Variants in HSF5 observed in about 807,000 individuals in gnomAD.
HSF5 encodes heat shock transcription factor 5.
Under a neutral mutation model 50.8 loss-of-function variants are expected in HSF5, and 5 were observed. The observed-to-expected ratio is 0.10, with a 90% confidence interval of 0.05 to 0.21. The LOEUF is 0.21. Among genes scored for constraint, HSF5 ranks in the 10% least tolerant of loss-of-function variants. HSF5 has a pLI of 1.00. For missense variants in HSF5, 564 were observed against 762.6 expected, an observed-to-expected ratio of 0.74 and a Z score of 3.07; for synonymous variants, 307 against 307.4, an observed-to-expected ratio of 1.00 and a Z score of 0.02.
intron 5 of HSF5, among the ~76,000 whole-genome samples, chr17:58,442,325 G>A (rs182670916): frequency 2.3e-4 from 35 of 152,328 alleles, no homozygotes; most frequent in Admixed American, 7.8e-4. Context: ...AAACATACAG[G>A]ATGTATATAA....
intron 5 of HSF5, among the ~76,000 whole-genome samples, chr17:58,453,578 G>C (rs1440712465): frequency 2.0e-5 from 3 of 151,304 alleles, no homozygotes; most frequent in African/African-American, 7.3e-5. Context: ...CTGGGCGACA[G>C]AGTGAGCAAA....
intron 5 of HSF5, among the ~76,000 whole-genome samples, chr17:58,436,329 C>A (rs370406581): frequency 6.6e-6 from 1 of 150,782 alleles, no homozygotes; most frequent in Non-Finnish European, 1.5e-5. Flanking sequence ...TTTCTGCCTA[C>A]ACTTTAATTA....
At chr17:58,447,280 CA>C (rs1414384449) in intron 5 of HSF5, among the ~76,000 whole-genome samples, 1 of 152,178 alleles carries the variant, frequency 6.6e-6, no homozygotes, top group African/African-American at 2.4e-5. Context: ...GGCTAGAAAG[CA>C]ATCTGCCACC....
intron 5 of HSF5, among the ~76,000 whole-genome samples, chr17:58,457,896 T>C (rs1974734885): frequency 6.6e-6 from 1 of 152,228 alleles, no homozygotes; most frequent in African/African-American, 2.4e-5. Context: ...TGATAGACAG[T>C]TTTTAGCCTA....
chr17:58,448,767 G>A (rs191047832), intron 5 of HSF5, among the ~76,000 whole-genome samples: 2 of 152,230 alleles, frequency 1.3e-5, no homozygotes, highest in African/African-American at 2.4e-5. Context: ...TATAAAAATC[G>A]TTGATAAAAG....
Position 58,420,979 on chromosome 17 carries a change from A to G in HSF5, c.*1381T>C, listed in dbSNP as rs1053281699. On this transcript the variant is annotated 3_prime_UTR_variant, in exon 6 of 6. Coordinates refer to ENST00000323777, the MANE Select transcript of HSF5 (RefSeq NM_001080439.3). ...AGCATAGTACTATGTCATATCACCA[A>G]GTGCCTTTTTAATTAGTTTCATATT... The G allele has an allele frequency of 2.0e-5, 3 of 152,646 alleles. No homozygotes were observed. Among genetic ancestry groups the G allele is most frequent in the Admixed American group, 1.3e-4 (2 of 15,280 alleles). 9.5% of individuals were successfully genotyped at this position (152,646 alleles called of 1,614,324 possible).
intron 3 of HSF5, 116 bp from the exon 4 acceptor site, chr17:58,463,419 C>A (rs1463352702): frequency 1.1e-5 from 9 of 811,810 alleles, no homozygotes; most frequent in Non-Finnish European, 1.5e-5. Context: ...ACTTAAAGAT[C>A]ACTAAGAAAA....
intron 5 of HSF5, among the ~76,000 whole-genome samples, chr17:58,456,276 C>A (rs998728732): frequency 1.3e-5 from 2 of 151,602 alleles, no homozygotes; most frequent in African/African-American, 4.9e-5. Flanking sequence ...CATAGGTGAA[C>A]CTGGAGAACA....
At chr17:58,461,213 CACAACAACAACA>C (rs36215581) in intron 4 of HSF5, among the ~76,000 whole-genome samples, 6,254 of 146,758 alleles carry the variant, frequency 0.043, 137 homozygotes, top group African/African-American at 0.058. Flanking sequence ...GATTCCATCT[CACAACAACAACA>C]ACAACAACAA....
chr17:58,479,522 C>T (rs548687719), intron 2 of HSF5, among the ~76,000 whole-genome samples: 1 of 152,166 alleles, frequency 6.6e-6, no homozygotes, highest in East Asian at 1.9e-4. Flanking sequence ...AGGCTGGTCT[C>T]GAACTCCTGA....
intron 5 of HSF5, among the ~76,000 whole-genome samples, chr17:58,442,404 C>T (rs1974510541): frequency 6.6e-6 from 1 of 152,140 alleles, no homozygotes; most frequent in African/African-American, 2.4e-5. Flanking sequence ...AAGTGGCCAT[C>T]CTTGCCTTGT....
intron 2 of HSF5, among the ~76,000 whole-genome samples, chr17:58,479,088 C>T (rs1975065367): frequency 6.6e-6 from 1 of 151,966 alleles, no homozygotes; most frequent in Non-Finnish European, 1.5e-5. Context: ...CTAGGAATAA[C>T]ACTGCGGAGA....
intron 5 of HSF5, among the ~76,000 whole-genome samples, chr17:58,447,697 G>A (rs1205519758): frequency 6.6e-6 from 1 of 152,126 alleles, no homozygotes; most frequent in African/African-American, 2.4e-5. Flanking sequence ...CTGCTGAGTG[G>A]TTACAGTGAC....
At chr17:58,429,702 C>T (rs143148833) in intron 5 of HSF5, among the ~76,000 whole-genome samples, 43,881 of 150,900 alleles carry the variant, frequency 0.29, 6,917 homozygotes, top group East Asian at 0.44. Context: ...CAAAATCAGC[C>T]GGGCATGGTG....
In HSF5 at chr17:58,488,338, C is replaced by G; in HGVS notation, c.-64G>C. 7.3e-7 allele frequency: 1 copy of G among 1,375,094 alleles called. No homozygotes were observed. Among genetic ancestry groups the G allele is most frequent in the Non-Finnish European group, 9.3e-7 (1 of 1,072,560 alleles). 85.2% of individuals were successfully genotyped at this position (1,375,094 alleles called of 1,614,324 possible). Reference sequence around the variant, plus strand: ...TCTCCCACACCGTTCTCGATCCCTCCCCGGCCTTCGCCTCGCCCTGCCCGC... The same window carrying G: ...TCTCCCACACCGTTCTCGATCCCTCGCCGGCCTTCGCCTCGCCCTGCCCGC... On this transcript the variant is annotated 5_prime_UTR_variant, in exon 1 of 6. Coordinates refer to ENST00000323777, the MANE Select transcript of HSF5 (RefSeq NM_001080439.3). The surrounding 1 kb of genome is among the most constrained non-coding windows in gnomAD (Gnocchi z 4.1).
At chr17:58,441,759 C>T (rs1285899664) in intron 5 of HSF5, among the ~76,000 whole-genome samples, 2 of 152,242 alleles carry the variant, frequency 1.3e-5, no homozygotes, top group African/African-American at 4.8e-5. Flanking sequence ...CAGGGCTTCA[C>T]TGATGGGCTA....
chr17:58,458,971 T>G (rs1974752784), intron 4 of HSF5, 26 bp from the exon 5 acceptor site: 18 of 1,579,980 alleles, frequency 1.1e-5, no homozygotes, highest in Non-Finnish European at 1.5e-5. Flanking sequence ...CATTCATTAT[T>G]TGAGATTTCC....
chr17:58,472,310 C>G (rs6503864), intron 2 of HSF5, among the ~76,000 whole-genome samples: 9 of 151,076 alleles, frequency 6.0e-5, no homozygotes, highest in Non-Finnish European at 1.2e-4. Flanking sequence ...GTACCCCCCC[C>G]AAAAAAAGTG....
At chr17:58,471,590 A>ATTTTCT (rs894163944) in intron 2 of HSF5, among the ~76,000 whole-genome samples, 15 of 149,436 alleles carry the variant, frequency 1.0e-4, no homozygotes, top group African/African-American at 3.7e-4. Context: ...CAAAATGGAT[A>ATTTTCT]TTTTCTTTTT....
Sources: allele counts gnomAD v4.1 joint callset (sites outside exome capture counted in the v4.1 genomes callset), GRCh38; gene constraint gnomAD v4.1.1; non-coding constraint Gnocchi (gnomAD v3.1); transcripts MANE v1.5; gene names NCBI Gene and HGNC (gene_info 2026-07-23, HGNC 2026-07-21).